Variants in CIT observed in about 807,000 individuals in gnomAD.
CIT encodes citron Rho-interacting kinase.
In CIT, 79 loss-of-function variants were observed where a neutral mutation model predicts 272.7. The ratio of observed to expected loss-of-function variants is 0.29; its 90% CI spans 0.24 to 0.35. The LOEUF (loss-of-function observed/expected upper bound fraction) is 0.35. CIT is among the 10% of genes least tolerant of loss of function. The pLI is 1.00. For missense variants in CIT, 1,909 were observed against 2,618.3 expected (o/e 0.73, Z 5.91); for synonymous variants, 948 against 995.6 (o/e 0.95, Z 0.90).
chr12:119,801,799 A>G (rs1258907548), intron 10 of CIT, among the ~76,000 whole-genome samples: 3 of 152,164 alleles, frequency 2.0e-5, no homozygotes, highest in African/African-American at 2.4e-5. Flanking sequence ...TGCCTCTCCC[A>G]CCACCATCCA....
chr12:119,857,623 C>T lies in CIT; in HGVS notation c.314G>A (p.Cys105Tyr), dbSNP rs1235953268. The T allele has an allele frequency of 1.2e-6, 2 of 1,614,208 alleles. No homozygotes were observed. The highest frequency in any genetic ancestry group is 4.5e-5 in the East Asian group (2 of 44,880). ...CACCTGCACTTCAGCAAAGTGACCA[C>T]AACCTACAAGACTTCTGACTTCGAA... ...KDFEVRSLVG[C>Y]GHFAEVQVVR... is the part of the protein sequence containing the mutation. Residue 105 changes from cysteine to tyrosine, a missense_variant, in exon 4 of 48, where the codon TGT (cysteine) becomes TAT (tyrosine). Coordinates refer to ENST00000392521, the MANE Select transcript of CIT (RefSeq NM_001206999.2).
chr12:119,770,745 C>G lies in CIT; in HGVS notation c.2208+40G>C, dbSNP rs1261796289. 3.1e-6 allele frequency: 5 copies of G among 1,611,748 alleles called. No individual in the cohort carries two copies. In the African/African-American group the frequency reaches 6.7e-5, roughly 22 times the overall value. On this transcript the variant is annotated intron_variant, in intron 18 of 47. Coordinates refer to ENST00000392521, the MANE Select transcript of CIT (RefSeq NM_001206999.2). This position sits in a 1 kb window ranked among gnomAD's most constrained non-coding sequence, Gnocchi z 4.4. ...ACCCCCTTCCCTTTGCAAACTCTAA[C>G]CTGTTATCTTTTAACTTTGCGACTT...
intron 5 of CIT, among the ~76,000 whole-genome samples, chr12:119,837,847 G>A (rs1047504865): frequency 7.2e-5 from 11 of 152,102 alleles, no homozygotes; most frequent in Non-Finnish European, 1.3e-4. Flanking sequence ...CAGTACAATC[G>A]CTTGAGGCCA....
In CIT at chr12:119,704,344, G is replaced by A. The variant is rs757566101; in HGVS notation, c.5304+19C>T. The A allele has an allele frequency of 6.2e-7, 1 of 1,611,860 alleles. No individual in the cohort carries two copies. Among genetic ancestry groups the A allele is most frequent in the Non-Finnish European group, 8.5e-7 (1 of 1,178,120 alleles). ...GACTGGCTTTCCCACGTTCAACCAAGGCAAGGCCCAGGACTTACTTTCCGG... is the reference window on the plus strand; with the variant it reads ...GACTGGCTTTCCCACGTTCAACCAAAGCAAGGCCCAGGACTTACTTTCCGG... On this transcript the variant is annotated intron_variant, in intron 41 of 47. Coordinates refer to ENST00000392521, the MANE Select transcript of CIT (RefSeq NM_001206999.2).
chr12:119,826,965 T>C (rs930416328), intron 7 of CIT, among the ~76,000 whole-genome samples: 21 of 152,298 alleles, frequency 1.4e-4, no homozygotes, highest in Admixed American at 9.8e-4. Context: ...ATCTCATCCA[T>C]TCCTCTGCCA....
intron 3 of CIT, among the ~76,000 whole-genome samples, chr12:119,861,552 A>T (rs553148741): frequency 6.6e-6 from 1 of 151,908 alleles, no homozygotes; most frequent in African/African-American, 2.4e-5. Context: ...GCGCCATTGC[A>T]CTCCAACCTG....
At chr12:119,698,495 C>T (rs1190201404) in intron 44 of CIT, among the ~76,000 whole-genome samples, 4 of 151,234 alleles carry the variant, frequency 2.6e-5, no homozygotes, top group African/African-American at 9.7e-5. Flanking sequence ...GAGGCTGAGG[C>T]GGGAGAATCA....
Position 119,704,471 on chromosome 12 carries a change from G to A in CIT, c.5212-16C>T, listed in dbSNP as rs1330241968. ...CGTTCTCAATCTGAAAAGCAACCAA[G>A]AAAAGAAAAAGACTGTCACCAGTGT... On this transcript the variant is annotated splice_polypyrimidine_tract_variant and intron_variant, in intron 40 of 47. Coordinates refer to ENST00000392521, the MANE Select transcript of CIT (RefSeq NM_001206999.2). 6.2e-7 allele frequency: 1 copy of A among 1,612,544 alleles called. No individual in the cohort carries two copies. The highest frequency in any genetic ancestry group is 2.2e-5 in the East Asian group (1 of 44,870).
At chr12:119,792,227 A>T (rs983667634) in intron 10 of CIT, among the ~76,000 whole-genome samples, 1 of 152,176 alleles carries the variant, frequency 6.6e-6, no homozygotes, top group Non-Finnish European at 1.5e-5. Flanking sequence ...ACCAAACCAC[A>T]GATAACACAG....
chr12:119,759,969 T>C (rs1265444726), intron 20 of CIT, among the ~76,000 whole-genome samples: 4 of 151,928 alleles, frequency 2.6e-5, no homozygotes, highest in Non-Finnish European at 5.9e-5. Context: ...GGCAGATCAC[T>C]TGAGGTCAAG....
chr12:119,761,341 GAGGCAGACTCCAGAATGAGA>G lies in CIT; in HGVS notation c.2305-306_2305-287del, dbSNP rs535932098. Among the ~76,000 whole-genome samples the G allele has an allele frequency of 1.5e-4, 23 of 152,286 alleles. No homozygotes were observed. In the East Asian group the frequency reaches 4.4e-3, roughly 29 times the overall value. ...AAGACCAGAGAGATATATTCAAAAT[GAGGCAGACTCCAGAATGAGA>G]AGGGAGGAGGAAACAAGATTGCTCT... On this transcript the variant is annotated intron_variant, in intron 19 of 47. Transcript: ENST00000392521.
chr12:119,712,797 G>T lies in CIT; in HGVS notation c.4580-102C>A, dbSNP rs1957235060. ...AGACAGCAAGGGAGAGAGAGACAGG[G>T]TACGTGTGTAAAGAGAGGCGCACGA... is the stretch of plus-strand genomic sequence containing the variant. On this transcript the variant is annotated intron_variant, in intron 35 of 47. Transcript: ENST00000392521. The surrounding 1 kb of genome is among the most constrained non-coding windows in gnomAD (Gnocchi z 5.2). The T allele has an allele frequency of 4.3e-6, 4 of 926,108 alleles. No homozygotes were observed. Among genetic ancestry groups the T allele is most frequent in the South Asian group, 3.0e-5 (2 of 66,982 alleles). The allele number at this position is 926,108 out of a possible 1,614,324, so 57.4% of individuals were successfully genotyped here.
chr12:119,749,417 C>T (rs56972459), intron 23 of CIT, among the ~76,000 whole-genome samples: 8,696 of 152,216 alleles, frequency 0.057, 517 homozygotes, highest in African/African-American at 0.15. Context: ...GGACCATTTT[C>T]GCTTTTTCTT....
At chr12:119,721,017 A>G (rs1354692280) in intron 29 of CIT, among the ~76,000 whole-genome samples, 1 of 152,116 alleles carries the variant, frequency 6.6e-6, no homozygotes, top group Non-Finnish European at 1.5e-5. Flanking sequence ...CCCGGGCTGG[A>G]GTGCAGTGGT....
chr12:119,703,770 C>G (rs920756858), intron 41 of CIT, among the ~76,000 whole-genome samples: 1 of 152,132 alleles, frequency 6.6e-6, no homozygotes, highest in Non-Finnish European at 1.5e-5. Flanking sequence ...AGAAATATAT[C>G]AGGCTTAGGA....
intron 27 of CIT, 132 bp downstream of exon 27, chr12:119,730,363 A>C: frequency 1.4e-5 from 14 of 986,308 alleles, no homozygotes; most frequent in East Asian, 3.6e-5. Flanking sequence ...ACCATGGGAC[A>C]TTTTTGGAGT....
In CIT at chr12:119,718,349, T is replaced by G. The variant is rs1406874593; in HGVS notation, c.4064A>C (p.Gln1355Pro). The G allele has an allele frequency of 6.2e-7, 1 of 1,614,114 alleles. No homozygotes were observed. The highest frequency in any genetic ancestry group is 1.1e-5 in the South Asian group (1 of 91,066). The change falls in exon 32 of 48, where the codon CAG (glutamine) becomes CCG (proline). Residue 1355 changes from glutamine (Q) to proline (P), a missense_variant. By Grantham distance (76) the Gln-to-Pro change is moderately conservative (BLOSUM62 -1). This residue lies in a region of CIT where 780 missense variants were observed against 1,067.2 expected (regional missense o/e 0.73). Transcript: ENST00000392521. The surrounding 1 kb of genome is among the most constrained non-coding windows in gnomAD (Gnocchi z 4.8). Reference sequence around the variant, plus strand: ...CCGCACGATGGCGGACATGGCGATCTGCTGCCTCGCGGTGGCTGGCGTGGA... The same window carrying G: ...CCGCACGATGGCGGACATGGCGATCGGCTGCCTCGCGGTGGCTGGCGTGGA... ...HPSTPATARQQIAMSAIVRSP... is the reference protein window; with the variant it reads ...HPSTPATARQPIAMSAIVRSP...
intron 28 of CIT, among the ~76,000 whole-genome samples, chr12:119,722,354 T>C (rs1593477033): frequency 6.6e-6 from 1 of 152,304 alleles, no homozygotes; most frequent in East Asian, 1.9e-4. Context: ...GACAGAGAGC[T>C]ACTCAAAGCA....
intron 10 of CIT, among the ~76,000 whole-genome samples, chr12:119,797,133 T>C (rs1312249347): frequency 6.6e-6 from 1 of 152,206 alleles, no homozygotes; most frequent in East Asian, 1.9e-4. Context: ...CTTGGGAACA[T>C]GTAGCGCCAT....
Sources: allele counts gnomAD v4.1 joint callset (sites outside exome capture counted in the v4.1 genomes callset), GRCh38; gene constraint gnomAD v4.1.1; regional missense constraint gnomAD v4.1.1; non-coding constraint Gnocchi (gnomAD v3.1); transcripts MANE v1.5; gene names NCBI Gene and HGNC (gene_info 2026-07-23, HGNC 2026-07-21).